Variants in ADGRB1 observed in about 807,000 individuals in gnomAD.
The protein encoded by ADGRB1 is brain-specific angiogenesis inhibitor 1.
Under a neutral mutation model 175.7 loss-of-function variants are expected in ADGRB1, and 36 were observed. The ratio of observed to expected loss-of-function variants is 0.20; its 90% confidence interval spans 0.16 to 0.27. ADGRB1 has a LOEUF of 0.27. ADGRB1 is among the 10% of genes least tolerant of loss of function. The pLI, the probability that ADGRB1 is intolerant of heterozygous loss-of-function variation, is 1.00. For missense variants in ADGRB1, 1,731 were observed against 2,255.3 expected (o/e 0.77, Z 4.71); for synonymous variants, 1,054 against 979.4 (o/e 1.08, Z -1.42).
At chr8:142,465,079 C>T in intron 2 of ADGRB1, 97 bp downstream of exon 2, 1 of 934,738 alleles carries the variant, frequency 1.1e-6, no homozygotes, top group Non-Finnish European at 1.4e-6. Context: ...AGTGGGCGGA[C>T]AGAGGAGGTG....
chr8:142,515,458 G>A (rs1033822136), intron 18 of ADGRB1, among the ~76,000 whole-genome samples: 2 of 152,110 alleles, frequency 1.3e-5, no homozygotes, highest in African/African-American at 4.8e-5. Context: ...TGGGAGAGCT[G>A]GCGGGTTTGC....
rs769164097 is a variant in ADGRB1 at position 142,543,413 on chromosome 8, C to T, written c.4424C>T (p.Ser1475Leu). The T allele has an allele frequency of 2.5e-6, 4 of 1,613,652 alleles. No individual in the cohort carries two copies. The highest frequency in any genetic ancestry group is 1.3e-5 in the African/African-American group (1 of 74,906). Residue 1475 changes from serine to leucine, a missense_variant, in exon 29 of 31, where the codon TCG becomes TTG. Ser to Leu is a moderately radical substitution (Grantham distance 145, BLOSUM62 -2). This residue lies in a region of ADGRB1 where 394 missense variants were observed against 410.2 expected (regional missense o/e 0.96). Transcript: ENST00000517894. The surrounding 1 kb of genome is among the most constrained non-coding windows in gnomAD (Gnocchi z 4.4). ...CCCTTCTCCCTGCAGCGGCGGAAGT[C>T]GCGGTATGCAGAACTGGACTTTGAG... ...LSVSSLERRK[S>L]RYAELDFEKI...
chr8:142,470,162 G>A (rs1344924575), intron 2 of ADGRB1, among the ~76,000 whole-genome samples: 2 of 151,860 alleles, frequency 1.3e-5, no homozygotes, highest in Non-Finnish European at 2.9e-5. Flanking sequence ...GCTGCCCCAC[G>A]CCCCACCGCC....
chr8:142,464,674 G>T lies in ADGRB1; in HGVS notation c.476G>T (p.Arg159Leu), dbSNP rs113034224. 3.3e-6 allele frequency: 5 copies of T among 1,524,144 alleles called. No homozygotes were observed. 94.4% of individuals were successfully genotyped at this position (1,524,144 alleles called of 1,614,324 possible). A position where few individuals can be genotyped will look rare whatever the true frequency, so the allele number is the denominator to read the frequency against. Residue 159 changes from arginine to leucine, a missense_variant, in exon 2 of 31, where the codon CGG (arginine) becomes CTG (leucine). By Grantham distance (102) the Arg-to-Leu change is moderately radical. Coordinates refer to ENST00000517894, the MANE Select transcript of ADGRB1 (RefSeq NM_001702.3). ...CCCCAGCACGACGGGCTCCGGCCCC[G>T]GGCCGGGCCGCCGGGCCCCACCGAC... ...QPPQHDGLRPRAGPPGPTDDF... is the reference protein window; with the variant it reads ...QPPQHDGLRPLAGPPGPTDDF...
intron 18 of ADGRB1, among the ~76,000 whole-genome samples, chr8:142,516,166 G>T (rs561819822): frequency 6.6e-6 from 1 of 151,950 alleles, no homozygotes; most frequent in African/African-American, 2.4e-5. Flanking sequence ...GTGCGTGTGT[G>T]GGAGCCCCAG....
intron 24 of ADGRB1, among the ~76,000 whole-genome samples, chr8:142,532,725 C>T (rs1047429439): frequency 6.6e-6 from 1 of 152,174 alleles, no homozygotes; most frequent in African/African-American, 2.4e-5. Context: ...CCACCATGGC[C>T]ATCTTGCTCT....
At chr8:142,496,328 C>A (rs1842215628) in intron 17 of ADGRB1, among the ~76,000 whole-genome samples, 1 of 145,862 alleles carries the variant, frequency 6.9e-6, no homozygotes. Flanking sequence ...GGGTGGGTGG[C>A]TGGCTGGATG....
intron 22 of ADGRB1, 66 bp from the exon 23 acceptor site, chr8:142,524,172 G>A (rs1844033629): frequency 6.6e-7 from 1 of 1,526,442 alleles, no homozygotes; most frequent in Middle Eastern, 1.7e-4. Flanking sequence ...CTCCTGAGAG[G>A]CCGGCAGCAC....
At chr8:142,494,525 C>T (rs1008043862) in intron 17 of ADGRB1, among the ~76,000 whole-genome samples, 1 of 152,080 alleles carries the variant, frequency 6.6e-6, no homozygotes, top group Non-Finnish European at 1.5e-5. Context: ...CCATGTGACC[C>T]ACTCAGCCTA....
Position 142,489,322 on chromosome 8 carries a change from T to C in ADGRB1, c.2529-14T>C, listed in dbSNP as rs777574906. The C allele has an allele frequency of 6.2e-7, 1 of 1,612,420 alleles. No homozygotes were observed. The highest frequency in any genetic ancestry group is 8.5e-7 in the Non-Finnish European group (1 of 1,179,566). ...GGAGGGCTCCCCCGACACCTGTGCC[T>C]CTGGCTCTTGCAGGAACACGACCGT... On this transcript the variant is annotated splice_polypyrimidine_tract_variant and intron_variant, in intron 15 of 30. Transcript: ENST00000517894.
chr8:142,491,262 G>C (rs1206329401), intron 17 of ADGRB1, among the ~76,000 whole-genome samples: 2 of 152,270 alleles, frequency 1.3e-5, no homozygotes, highest in African/African-American at 2.4e-5. Flanking sequence ...GTGGGCCCCT[G>C]GGGTCTTCAG....
chr8:142,477,657 C>T, intron 6 of ADGRB1, 108 bp downstream of exon 6: 1 of 1,375,148 alleles, frequency 7.3e-7, no homozygotes, highest in Non-Finnish European at 9.7e-7. Flanking sequence ...CCAGACCCAC[C>T]TCAGGGTGCT....
At chr8:142,526,195 G>A (rs1283894325) in intron 23 of ADGRB1, among the ~76,000 whole-genome samples, 3 of 152,196 alleles carry the variant, frequency 2.0e-5, no homozygotes, top group African/African-American at 4.8e-5. Context: ...TGTGACCCCA[G>A]GGAGAGCCAG....
At chr8:142,518,031 C>T (rs1022004014) in intron 18 of ADGRB1, 107 bp from the exon 19 acceptor site, 43 of 1,054,160 alleles carry the variant, frequency 4.1e-5, no homozygotes, top group Non-Finnish European at 5.5e-5. Flanking sequence ...GGGCCAAACG[C>T]TGGGGGTGTG....
At chr8:142,489,846 G>C (rs531546406) in intron 16 of ADGRB1, among the ~76,000 whole-genome samples, 2 of 152,228 alleles carry the variant, frequency 1.3e-5, no homozygotes, top group African/African-American at 4.8e-5. Context: ...CGCCTGCAGG[G>C]GCCCTGGGAT....
intron 1 of ADGRB1, among the ~76,000 whole-genome samples, chr8:142,452,832 CCGCGGGGCTCCAGGCCCAGGCGGCCGG>C (rs967782833): frequency 2.6e-5 from 4 of 151,438 alleles, no homozygotes; most frequent in South Asian, 2.1e-4. Flanking sequence ...TCCGGGGACG[CCGCGGGGCTCCAGGCCCAGGCGGCCGG>C]CGCGGGGCCG....
intron 2 of ADGRB1, among the ~76,000 whole-genome samples, chr8:142,469,615 GTATGCACGTGCATGTGTGTA>G (rs1840526691): frequency 7.5e-6 from 1 of 133,296 alleles, no homozygotes; most frequent in Admixed American, 7.6e-5. Context: ...GCATGTGTGT[GTATGCACGTGCATGTGTGTA>G]TGTGCACGTG....
chr8:142,516,055 C>G (rs1563730766), intron 18 of ADGRB1, among the ~76,000 whole-genome samples: 1 of 152,222 alleles, frequency 6.6e-6, no homozygotes, highest in Non-Finnish European at 1.5e-5. Context: ...CAGGGAGGCA[C>G]AGCTGGAGCC....
chr8:142,538,169 G>GC (rs1845049399), intron 26 of ADGRB1, among the ~76,000 whole-genome samples: 1 of 152,154 alleles, frequency 6.6e-6, no homozygotes, highest in Non-Finnish European at 1.5e-5. Context: ...CTTGACTCTT[G>GC]CCCCATGGTG....
Sources: allele counts gnomAD v4.1 joint callset (sites outside exome capture counted in the v4.1 genomes callset), GRCh38; gene constraint gnomAD v4.1.1; regional missense constraint gnomAD v4.1.1; non-coding constraint Gnocchi (gnomAD v3.1); transcripts MANE v1.5; gene names NCBI Gene and HGNC (gene_info 2026-07-23, HGNC 2026-07-21).